The following ST6GALNAC5 variants were observed in gnomAD, a reference collection of about 807,000 sequenced individuals.
The protein encoded by ST6GALNAC5 is ST6 N-acetylgalactosaminide alpha-2,6-sialyltransferase 5, also known as alpha-N-acetylgalactosaminide alpha-2,6-sialyltransferase 5.
In ST6GALNAC5, 27 loss-of-function variants were observed where a neutral mutation model predicts 33.6. The ratio of observed to expected loss-of-function variants is 0.80; its 90% CI spans 0.59 to 1.11. The LOEUF (loss-of-function observed/expected upper bound fraction) is 1.11. Among genes scored for constraint, ST6GALNAC5 ranks in the 50% least tolerant of loss-of-function variants. The probability of loss-of-function intolerance (pLI) is 0.00; values close to 1 mark genes in which losing one functional copy is unlikely to be tolerated. For missense variants in ST6GALNAC5, 428 were observed against 454.0 expected (o/e 0.94, Z 0.52); for synonymous variants, 194 against 171.2 (o/e 1.13, Z -1.04).
intron 2 of ST6GALNAC5, among the ~76,000 whole-genome samples, chr1:76,911,306 G>C: frequency 6.6e-6 from 1 of 152,228 alleles, no homozygotes; most frequent in South Asian, 2.1e-4. Flanking sequence ...CTTGATCATG[G>C]TGGATAAGCT....
At chr1:76,959,108 T>C (rs1004049616) in intron 2 of ST6GALNAC5, among the ~76,000 whole-genome samples, 1 of 152,192 alleles carries the variant, frequency 6.6e-6, no homozygotes, top group African/African-American at 2.4e-5. Flanking sequence ...CACCTCTGTG[T>C]AAATTCAGAT....
rs1427824908 is a variant in ST6GALNAC5, at chr1:77,044,563, C to G, written c.621C>G (p.His207Gln). ...TGAAGGCCTTCATGATTACTCGCCA[C>G]AAGATGCTGCAGTTTGATGAGCTCT... ...PRLKAFMITRHKMLQFDELFK... is the reference protein window; with the variant it reads ...PRLKAFMITRQKMLQFDELFK... Residue 207 changes from histidine to glutamine, a missense_variant, in exon 3 of 5, where the codon CAC becomes CAG. Coordinates refer to ENST00000477717, the MANE Select transcript of ST6GALNAC5 (RefSeq NM_030965.3). 4 of 1,590,142 alleles carry G rather than the reference C, an allele frequency of 2.5e-6. No individual in the cohort carries two copies. In the South Asian group the frequency reaches 4.6e-5, roughly 18 times the overall value.
intron 2 of ST6GALNAC5, among the ~76,000 whole-genome samples, chr1:76,991,959 A>C (rs6658692): frequency 0.81 from 122,758 of 152,102 alleles, 49,945 homozygotes; most frequent in East Asian, 0.93. Flanking sequence ...GTATGAATGG[A>C]ATGTTTTTTT....
chr1:76,954,700 A>C (rs1647884815), intron 2 of ST6GALNAC5, among the ~76,000 whole-genome samples: 2 of 152,144 alleles, frequency 1.3e-5, no homozygotes, highest in Admixed American at 6.6e-5. Flanking sequence ...AGGAAGCAGG[A>C]ATGGGATGTA....
chr1:76,985,618 T>G (rs1165729616), intron 2 of ST6GALNAC5, among the ~76,000 whole-genome samples: 1 of 152,106 alleles, frequency 6.6e-6, no homozygotes, highest in Non-Finnish European at 1.5e-5. Context: ...GCCATCCCCT[T>G]AAGCTACCAA....
chr1:77,000,708 A>T (rs995690174), intron 2 of ST6GALNAC5, among the ~76,000 whole-genome samples: 39 of 150,648 alleles, frequency 2.6e-4, no homozygotes, highest in African/African-American at 9.5e-4. Context: ...CTTTGTACAT[A>T]TGGCTAGCCA....
chr1:76,995,783 T>G (rs1649909499), intron 2 of ST6GALNAC5, among the ~76,000 whole-genome samples: 1 of 152,110 alleles, frequency 6.6e-6, no homozygotes, highest in Admixed American at 6.5e-5. Context: ...CTACCTGACA[T>G]TTATTTGTGT....
intron 2 of ST6GALNAC5, among the ~76,000 whole-genome samples, chr1:76,968,239 G>C (rs2100360860): frequency 6.6e-6 from 1 of 152,254 alleles, no homozygotes; most frequent in East Asian, 1.9e-4. Flanking sequence ...AGGTCTCTAA[G>C]GACTTGCTTT....
intron 2 of ST6GALNAC5, among the ~76,000 whole-genome samples, chr1:77,043,868 C>G (rs1451664211): frequency 6.6e-6 from 1 of 152,148 alleles, no homozygotes; most frequent in Non-Finnish European, 1.5e-5. Flanking sequence ...TTGTTAACAT[C>G]TCTATGCTTA....
intron 2 of ST6GALNAC5, among the ~76,000 whole-genome samples, chr1:76,967,562 G>T (rs1378585559): frequency 6.6e-6 from 1 of 152,058 alleles, no homozygotes; most frequent in Non-Finnish European, 1.5e-5. Flanking sequence ...TTTTTGAAGG[G>T]TTTTTTGTGT....
chr1:76,987,266 T>G (rs1353404060), intron 2 of ST6GALNAC5, among the ~76,000 whole-genome samples: 1 of 152,144 alleles, frequency 6.6e-6, no homozygotes, highest in Non-Finnish European at 1.5e-5. Flanking sequence ...AACTCAATTT[T>G]AAAATGAGCA....
chr1:77,013,046 A>C (rs1650698323), intron 2 of ST6GALNAC5, among the ~76,000 whole-genome samples: 1 of 152,294 alleles, frequency 6.6e-6, no homozygotes, highest in African/African-American at 2.4e-5. Context: ...CCAGGCTGAT[A>C]TGCAAAGACC....
intron 2 of ST6GALNAC5, among the ~76,000 whole-genome samples, chr1:76,959,698 C>G (rs562868020): frequency 6.6e-6 from 1 of 152,358 alleles, no homozygotes; most frequent in Non-Finnish European, 1.5e-5. Context: ...CCCATCAAAT[C>G]TGGCTGCTTG....
chr1:76,881,560 G>A (rs1653779703), intron 2 of ST6GALNAC5, among the ~76,000 whole-genome samples: 1 of 152,136 alleles, frequency 6.6e-6, no homozygotes, highest in African/African-American at 2.4e-5. Flanking sequence ...TGGAAACCAG[G>A]CATTTTTTTT....
At chr1:77,050,198 A>T in intron 3 of ST6GALNAC5, 60 bp from the exon 4 acceptor site, 1 of 1,380,968 alleles carries the variant, frequency 7.2e-7, no homozygotes, top group East Asian at 2.3e-5. Context: ...AGAATTAAAG[A>T]TGGTAGTGGG....
intron 2 of ST6GALNAC5, among the ~76,000 whole-genome samples, chr1:76,940,925 T>G (rs181157267): frequency 2.4e-4 from 36 of 152,188 alleles, no homozygotes; most frequent in Admixed American, 3.9e-4. Flanking sequence ...ATAACTGGTT[T>G]CTTTAGATTG....
intron 2 of ST6GALNAC5, among the ~76,000 whole-genome samples, chr1:76,960,786 C>A (rs1648202343): frequency 6.6e-6 from 1 of 152,196 alleles, no homozygotes; most frequent in African/African-American, 2.4e-5. Context: ...CCCGGCTCAC[C>A]AGCGGTCAGA....
chr1:76,876,398 C>G (rs987076509), intron 2 of ST6GALNAC5, among the ~76,000 whole-genome samples: 28 of 152,174 alleles, frequency 1.8e-4, no homozygotes, highest in Non-Finnish European at 4.0e-4. Context: ...ACAGGGGTGG[C>G]TGGGGAAAGA....
At chr1:76,996,022 C>A (rs1649925762) in intron 2 of ST6GALNAC5, among the ~76,000 whole-genome samples, 1 of 152,146 alleles carries the variant, frequency 6.6e-6, no homozygotes, top group South Asian at 2.1e-4. Context: ...GTTATAGACA[C>A]CTTTATAATT....
Sources: gnomAD v4.1 joint callset for allele counts (sites outside exome capture counted in the v4.1 genomes callset) on GRCh38, gnomAD v4.1.1 for gene constraint, MANE v1.5 for transcripts, NCBI Gene and HGNC (gene_info 2026-07-23, HGNC 2026-07-21) for gene names.